Variants in SAXO1 observed in about 807,000 individuals in gnomAD.
The protein encoded by SAXO1 is stabilizer of axonemal microtubules 1, also known as 4930500O09Rik.
A neutral mutation model predicts 17.5 loss-of-function variants in SAXO1; 21 were observed. The observed-to-expected ratio is 1.20, with a 90% confidence interval of 0.85 to 1.72. SAXO1 has a LOEUF of 1.72. Ranked by LOEUF, SAXO1 falls within the 40% of genes most tolerant of loss-of-function variation. The pLI, the probability that SAXO1 is intolerant of heterozygous loss-of-function variation, is 0.00. For synonymous variants in SAXO1, 274 were observed against 216.5 expected (o/e 1.27, Z -2.33); for missense variants, 843 against 596.0 (o/e 1.41, Z -4.32).
chr9:18,931,271 A>G (rs1831037307), intron 3 of SAXO1, among the ~76,000 whole-genome samples: 1 of 152,196 alleles, frequency 6.6e-6, no homozygotes, highest in Non-Finnish European at 1.5e-5. Flanking sequence ...ATCACCCAAT[A>G]TGTAGCGTTT....
At chr9:19,006,298 G>T (rs191682111) in intron 1 of SAXO1, among the ~76,000 whole-genome samples, 1 of 152,180 alleles carries the variant, frequency 6.6e-6, no homozygotes, top group African/African-American at 2.4e-5. Flanking sequence ...TGAAAGCAGG[G>T]ACTGAAACAG....
chr9:19,026,933 G>C, intron 1 of SAXO1: 1 of 830,632 alleles, frequency 1.2e-6, no homozygotes, highest in Non-Finnish European at 2.1e-6. Context: ...ATGGAACTGG[G>C]GTGGAGGTGC....
chr9:18,998,331 T>A (rs1022018431), intron 1 of SAXO1, among the ~76,000 whole-genome samples: 1 of 151,980 alleles, frequency 6.6e-6, no homozygotes, highest in Non-Finnish European at 1.5e-5. Context: ...CAAGCCTCAA[T>A]AGCCAATTTG....
intron 3 of SAXO1, among the ~76,000 whole-genome samples, chr9:18,936,914 G>C (rs1167823369): frequency 6.6e-6 from 1 of 152,170 alleles, no homozygotes; most frequent in Non-Finnish European, 1.5e-5. Context: ...TGGCCATAGA[G>C]TGAAAAGGGG....
intron 1 of SAXO1, among the ~76,000 whole-genome samples, chr9:19,013,310 TATAA>T (rs1008129197): frequency 4.6e-5 from 7 of 152,198 alleles, no homozygotes; most frequent in African/African-American, 1.2e-4. Context: ...AAAGCCAGGC[TATAA>T]TAGCAGATTT....
Position 18,941,627 on chromosome 9 carries a change from G to C in SAXO1, c.421+10C>G, listed in dbSNP as rs190494721. ...TCTTTCCCCCAATCTGCCCCTCTGTGCTCTCCCACCTTTATAAGTAGGCAA... is the reference window on the plus strand; with the variant it reads ...TCTTTCCCCCAATCTGCCCCTCTGTCCTCTCCCACCTTTATAAGTAGGCAA... On this transcript the variant is annotated intron_variant, in intron 3 of 3. Transcript: ENST00000380534. 1 of 1,613,958 alleles carries C rather than the reference G, an allele frequency of 6.2e-7. No individual in the cohort carries two copies. Among genetic ancestry groups the C allele is most frequent in the Non-Finnish European group, 8.5e-7 (1 of 1,179,970 alleles).
chr9:19,033,137 C>G lies in SAXO1; in HGVS notation c.-229G>C, dbSNP rs1044011082. 2.3e-5 allele frequency: 11 copies of G among 472,156 alleles called. No individual in the cohort carries two copies. Among genetic ancestry groups the G allele is most frequent in the African/African-American group, 2.0e-4 (10 of 49,988 alleles). 29.2% of individuals were successfully genotyped at this position (472,156 alleles called of 1,614,324 possible). On this transcript the variant is annotated 5_prime_UTR_variant, in exon 1 of 4. Transcript: ENST00000380534. The stretch of plus-strand genomic sequence containing the variant: ...GCAGGGGGCTTGCACGCGCGCCAGC[C>G]CGGGAGACCTCACCCTGCACGCCAC...
At chr9:19,017,799 A>G (rs1466263454) in intron 1 of SAXO1, among the ~76,000 whole-genome samples, 1 of 152,226 alleles carries the variant, frequency 6.6e-6, no homozygotes, top group Non-Finnish European at 1.5e-5. Context: ...TAAGAAGCTA[A>G]GAACACCAAA....
At chr9:19,030,319 C>G (rs1451750583) in intron 1 of SAXO1, among the ~76,000 whole-genome samples, 4 of 151,850 alleles carry the variant, frequency 2.6e-5, no homozygotes, top group African/African-American at 9.7e-5. Context: ...TTTCCAAACA[C>G]AAAAATGAGA....
At chr9:19,038,797 G>C (rs540130862) in intron 1 of SAXO1, among the ~76,000 whole-genome samples, 1 of 151,920 alleles carries the variant, frequency 6.6e-6, no homozygotes, top group East Asian at 1.9e-4. Flanking sequence ...TGTGCAGCCA[G>C]CCCTTGTGAG....
intron 1 of SAXO1, among the ~76,000 whole-genome samples, chr9:18,954,769 G>A (rs183265948): frequency 6.6e-6 from 1 of 152,110 alleles, no homozygotes; most frequent in African/African-American, 2.4e-5. Context: ...TAGGATAGGC[G>A]TCTATCACTT....
chr9:18,939,082 A>G (rs1831438372), intron 3 of SAXO1, among the ~76,000 whole-genome samples: 1 of 152,050 alleles, frequency 6.6e-6, no homozygotes, highest in Non-Finnish European at 1.5e-5. Flanking sequence ...TTCATAAACC[A>G]ACAGGGCCCA....
intron 1 of SAXO1, among the ~76,000 whole-genome samples, chr9:19,018,770 G>A (rs778691083): frequency 2.6e-5 from 4 of 152,200 alleles, no homozygotes; most frequent in Non-Finnish European, 5.9e-5. Flanking sequence ...GAGACAGGAC[G>A]CTGAAGTCTG....
chr9:19,028,608 G>T (rs1835618951), intron 1 of SAXO1, among the ~76,000 whole-genome samples: 1 of 152,184 alleles, frequency 6.6e-6, no homozygotes, highest in Admixed American at 6.5e-5. Flanking sequence ...ACAATACTCT[G>T]CTTTTTTGGT....
intron 1 of SAXO1, among the ~76,000 whole-genome samples, chr9:19,039,919 G>A (rs1836036215): frequency 6.6e-6 from 1 of 152,144 alleles, no homozygotes; most frequent in Non-Finnish European, 1.5e-5. Context: ...AGTAGAGACA[G>A]GGTTTCACCA....
intron 3 of SAXO1, among the ~76,000 whole-genome samples, chr9:18,936,932 G>T (rs1311628799): frequency 2.0e-5 from 3 of 152,190 alleles, no homozygotes; most frequent in Non-Finnish European, 4.4e-5. Flanking sequence ...GGGAAAAAAA[G>T]ATTTCATATT....
rs74341844 is a variant in SAXO1 at position 18,951,038 on chromosome 9, G to C, written c.39-101C>G. ...AATGTGACTCAGACTGTAAAATCAT[G>C]TGACTGCCAACATTGAAAACCAGAA... On this transcript the variant is annotated intron_variant, in intron 1 of 3. Coordinates refer to ENST00000380534, the MANE Select transcript of SAXO1 (RefSeq NM_153707.4). 2.0e-5 allele frequency: 24 copies of C among 1,190,968 alleles called. No individual in the cohort carries two copies. The African/African-American group carries it at 3.7e-4, about 18-fold the overall frequency. 73.8% of individuals were successfully genotyped at this position (1,190,968 alleles called of 1,614,324 possible). A position where few individuals can be genotyped will look rare whatever the true frequency, so the allele number is the denominator to read the frequency against.
chr9:19,039,262 T>C (rs780113247), intron 1 of SAXO1, among the ~76,000 whole-genome samples: 10 of 152,128 alleles, frequency 6.6e-5, no homozygotes, highest in Non-Finnish European at 1.5e-4. Flanking sequence ...AAACCAACTG[T>C]GGTTAAACGT....
At chr9:18,935,140 T>A (rs370219120) in intron 3 of SAXO1, among the ~76,000 whole-genome samples, 200 of 152,212 alleles carry the variant, frequency 1.3e-3, no homozygotes, top group African/African-American at 4.5e-3. Flanking sequence ...ATACAAAACC[T>A]CCTGACCCCA....
Sources: gnomAD v4.1 joint callset for allele counts (sites outside exome capture counted in the v4.1 genomes callset) on GRCh38, gnomAD v4.1.1 for gene constraint, MANE v1.5 for transcripts, NCBI Gene and HGNC (gene_info 2026-07-23, HGNC 2026-07-21) for gene names.